The following HS3ST5 variants were observed in gnomAD, a reference collection of about 807,000 sequenced individuals.
HS3ST5 encodes heparan sulfate-glucosamine 3-sulfotransferase 5, also known as heparan sulfate glucosamine 3-O-sulfotransferase 5.
Under a neutral mutation model 25.4 loss-of-function variants are expected in HS3ST5, and 10 were observed. The ratio of observed to expected loss-of-function variants is 0.39; its 90% CI spans 0.24 to 0.67. The LOEUF is 0.67. Among genes scored for constraint, HS3ST5 ranks in the 30% least tolerant of loss-of-function variants. HS3ST5 has a pLI of 0.44. For missense variants in HS3ST5, 324 were observed against 420.7 expected (o/e 0.77, Z 2.01); for synonymous variants, 170 against 162.4 (o/e 1.05, Z -0.36).
In HS3ST5 at chr6:114,110,015, CT is replaced by C. The variant is rs547508946; in HGVS notation, c.-32-47139del. Among the ~76,000 whole-genome samples, 6 of 152,282 alleles carry C rather than the reference CT, an allele frequency of 3.9e-5. No individual in the cohort carries two copies. The South Asian group carries it at 1.2e-3, about 32-fold the overall frequency. On this transcript the variant is annotated intron_variant, in intron 3 of 4. Coordinates refer to ENST00000312719, the MANE Select transcript of HS3ST5 (RefSeq NM_153612.4). ...TTCTCTCTCAACATGCCATGTCATTCTTCAAACCAGAATTACTGTAAGCTCC... is the reference window on the plus strand; with the variant it reads ...TTCTCTCTCAACATGCCATGTCATTCTCAAACCAGAATTACTGTAAGCTCC...
intron 2 of HS3ST5, among the ~76,000 whole-genome samples, chr6:114,224,675 CAT>C (rs755195782): frequency 3.9e-4 from 55 of 142,044 alleles, no homozygotes; most frequent in South Asian, 9.6e-4. Flanking sequence ...TTATTTTATA[CAT>C]ATATATATAC....
intron 3 of HS3ST5, among the ~76,000 whole-genome samples, chr6:114,113,951 T>A (rs995641328): frequency 1.3e-5 from 2 of 152,126 alleles, no homozygotes; most frequent in African/African-American, 4.8e-5. Context: ...CCTACCCATC[T>A]TTCTTTGTTT....
At chr6:114,084,592 T>C in intron 3 of HS3ST5, 1 of 772,190 alleles carries the variant, frequency 1.3e-6, no homozygotes. Context: ...GTCCACATAG[T>C]GCAGAGGAGA....
rs936694031 is a variant in HS3ST5, at chr6:114,320,167, T to C, written c.-339+22028A>G. Reference sequence around the variant, plus strand: ...GGACTCTACATACATTATCTTTAATTCTTACAATTAGACAGGGTGTATTTA... The same window carrying C: ...GGACTCTACATACATTATCTTTAATCCTTACAATTAGACAGGGTGTATTTA... On this transcript the variant is annotated intron_variant, in intron 1 of 4. Transcript: ENST00000312719. Among the ~76,000 whole-genome samples, 20 of 152,112 alleles carry C rather than the reference T, an allele frequency of 1.3e-4. 1 individual carries two copies. The highest frequency in any genetic ancestry group is 1.2e-3 in the Admixed American group (18 of 15,250).
At chr6:114,307,359 T>G (rs552518731) in intron 1 of HS3ST5, among the ~76,000 whole-genome samples, 33 of 85,308 alleles carry the variant, frequency 3.9e-4, no homozygotes, top group East Asian at 2.9e-3. Flanking sequence ...ATCCTTACTG[T>G]TTTTTTTTTT....
intron 3 of HS3ST5, among the ~76,000 whole-genome samples, chr6:114,095,394 A>C (rs1045220441): frequency 6.6e-6 from 1 of 152,180 alleles, no homozygotes; most frequent in South Asian, 2.1e-4. Context: ...AAACTAGTGA[A>C]GTTCAAACTA....
chr6:114,082,103 T>A (rs1485616444), intron 3 of HS3ST5, among the ~76,000 whole-genome samples: 1 of 152,234 alleles, frequency 6.6e-6, no homozygotes, highest in Non-Finnish European at 1.5e-5. Flanking sequence ...TTCATTTTCC[T>A]TCTGCCAGAA....
chr6:114,124,689 A>T (rs2275094), intron 3 of HS3ST5, among the ~76,000 whole-genome samples: 11,576 of 151,382 alleles, frequency 0.076, 549 homozygotes, highest in East Asian at 0.13. Context: ...TGATAACCAG[A>T]GGAAAAAAAA....
chr6:114,233,134 T>G (rs1251019804), intron 1 of HS3ST5, among the ~76,000 whole-genome samples: 1 of 152,080 alleles, frequency 6.6e-6, no homozygotes, highest in Non-Finnish European at 1.5e-5. Context: ...TCAACAAATA[T>G]TTGTTGAATG....
intron 2 of HS3ST5, among the ~76,000 whole-genome samples, chr6:114,169,215 A>G (rs1386006761): frequency 6.6e-6 from 1 of 152,134 alleles, no homozygotes; most frequent in Admixed American, 6.6e-5. Flanking sequence ...AGTTGACAAA[A>G]AGATTATTTT....
intron 2 of HS3ST5, among the ~76,000 whole-genome samples, chr6:114,171,273 G>A (rs547747210): frequency 1.2e-4 from 18 of 152,266 alleles, no homozygotes; most frequent in African/African-American, 4.3e-4. Context: ...AATTTCTTAT[G>A]AGTCAGTCCA....
chr6:114,118,092 G>A (rs1417777470), intron 3 of HS3ST5, among the ~76,000 whole-genome samples: 1 of 152,110 alleles, frequency 6.6e-6, no homozygotes, highest in Non-Finnish European at 1.5e-5. Flanking sequence ...CATTCAAAGA[G>A]GCCTTCTTTG....
intron 1 of HS3ST5, among the ~76,000 whole-genome samples, chr6:114,244,275 G>A (rs1772280383): frequency 6.6e-6 from 1 of 152,112 alleles, no homozygotes; most frequent in African/African-American, 2.4e-5. Flanking sequence ...CAGCTTTATG[G>A]TAATGATTTT....
intron 3 of HS3ST5, among the ~76,000 whole-genome samples, chr6:114,128,380 G>A (rs73767006): frequency 5.8e-4 from 88 of 152,268 alleles, no homozygotes; most frequent in African/African-American, 2.1e-3. Flanking sequence ...ACATAGTGCA[G>A]CCATGTAAAT....
rs143045799 is a variant in HS3ST5 at position 114,244,963 on chromosome 6, C to A, written c.-338-16185G>T. Among the ~76,000 whole-genome samples the A allele has an allele frequency of 1.2e-4, 19 of 152,258 alleles. No individual in the cohort carries two copies. In the East Asian group the frequency reaches 1.9e-3, roughly 15 times the overall value. On this transcript the variant is annotated intron_variant, in intron 1 of 4. Coordinates refer to ENST00000312719, the MANE Select transcript of HS3ST5 (RefSeq NM_153612.4). Reference sequence around the variant, plus strand: ...TATTTGATCTCATGATAACATATTACCTTCAGTAGTAAAATTTGAAAACAT... The same window carrying A: ...TATTTGATCTCATGATAACATATTAACTTCAGTAGTAAAATTTGAAAACAT...
intron 3 of HS3ST5, among the ~76,000 whole-genome samples, chr6:114,123,000 T>G (rs1304097534): frequency 6.6e-6 from 1 of 152,214 alleles, no homozygotes; most frequent in Admixed American, 6.5e-5. Context: ...TTGCCTAGGC[T>G]GGAGTGCAAT....
At chr6:114,180,874 T>C (rs2115023260) in intron 2 of HS3ST5, among the ~76,000 whole-genome samples, 1 of 152,302 alleles carries the variant, frequency 6.6e-6, no homozygotes, top group Middle Eastern at 3.4e-3. Flanking sequence ...CAGGTATCCC[T>C]CAGAGCTAAC....
chr6:114,295,851 G>A (rs1363373247), intron 1 of HS3ST5, among the ~76,000 whole-genome samples: 2 of 152,154 alleles, frequency 1.3e-5, no homozygotes, highest in Middle Eastern at 3.4e-3. Context: ...CAATCTTCAG[G>A]GCTGCACCAA....
chr6:114,180,780 A>T (rs772640907), intron 2 of HS3ST5, among the ~76,000 whole-genome samples: 65 of 152,180 alleles, frequency 4.3e-4, no homozygotes, highest in Admixed American at 9.8e-4. Context: ...AACCTTAATT[A>T]CTTCCTAAAA....
Sources: allele counts gnomAD v4.1 joint callset (sites outside exome capture counted in the v4.1 genomes callset), GRCh38; gene constraint gnomAD v4.1.1; transcripts MANE v1.5; gene names NCBI Gene and HGNC (gene_info 2026-07-23, HGNC 2026-07-21).